MYT1L: variants seen among roughly 807,000 people sequenced by gnomAD.
MYT1L encodes the protein myelin transcription factor 1 like.
In MYT1L, 12 loss-of-function variants were observed where a neutral mutation model predicts 126.7. The observed-to-expected ratio is 0.09, with a 90% confidence interval of 0.06 to 0.15. MYT1L has a LOEUF of 0.15. Among genes scored for constraint, MYT1L ranks in the 10% least tolerant of loss-of-function variants. The pLI is 1.00. For synonymous variants in MYT1L, 541 were observed against 604.2 expected (o/e 0.90, Z 1.53); for missense variants, 979 against 1,585.2 (o/e 0.62, Z 6.49).
intron 18 of MYT1L, among the ~76,000 whole-genome samples, chr2:1,868,033 C>G (rs1207955782): frequency 6.6e-6 from 1 of 150,766 alleles, no homozygotes; most frequent in Non-Finnish European, 1.5e-5. Context: ...GTGGCGTGAT[C>G]TTGGCTCACT....
At chr2:1,903,493 A>G (rs1246655534) in intron 13 of MYT1L, among the ~76,000 whole-genome samples, 199 bp from the exon 14 acceptor site, 1 of 152,228 alleles carries the variant, frequency 6.6e-6, no homozygotes, top group Non-Finnish European at 1.5e-5. Flanking sequence ...AAACTGCCTA[A>G]CAGTCAACTT....
chr2:1,840,718 T>G (rs377243361), intron 20 of MYT1L, 42 bp downstream of exon 20: 1 of 1,421,300 alleles, frequency 7.0e-7, no homozygotes, highest in Non-Finnish European at 9.7e-7. Flanking sequence ...CGTCCCCACA[T>G]GGCAGCCCTG....
intron 8 of MYT1L, among the ~76,000 whole-genome samples, chr2:1,961,832 G>A (rs2058985450): frequency 6.6e-6 from 1 of 152,230 alleles, no homozygotes; most frequent in South Asian, 2.1e-4. Context: ...TATAAAGGAA[G>A]CTGAGTAATG....
intron 5 of MYT1L, among the ~76,000 whole-genome samples, chr2:1,989,795 G>A (rs556420071): frequency 1.3e-5 from 2 of 152,236 alleles, no homozygotes; most frequent in South Asian, 4.2e-4. Context: ...TCAGGAGTTC[G>A]AGACCAGCCT....
At chr2:2,011,261 T>G (rs2063791201) in intron 4 of MYT1L, among the ~76,000 whole-genome samples, 2 of 152,032 alleles carry the variant, frequency 1.3e-5, no homozygotes. Context: ...CATGGTGGCA[T>G]GTGCCTGTAA....
At chr2:2,060,251 T>C (rs2070217296) in intron 3 of MYT1L, among the ~76,000 whole-genome samples, 2 of 152,198 alleles carry the variant, frequency 1.3e-5, no homozygotes, top group African/African-American at 4.8e-5. Context: ...TCACATCGTA[T>C]AGAACAAATA....
chr2:1,894,725 G>A lies in MYT1L; in HGVS notation c.2033-2438C>T, dbSNP rs1558308756. ...CAAACAACGGCAGCTGACATAGGTC[G>A]GCTGGCAACCTTGCACTCAGCGTTG... On this transcript the variant is annotated intron_variant, in intron 14 of 24. Coordinates refer to ENST00000647738, the MANE Select transcript of MYT1L (RefSeq NM_001303052.2). 2.0e-5 allele frequency among the ~76,000 whole-genome samples: 3 copies of A among 152,140 alleles called. No homozygotes were observed. In the South Asian group the frequency reaches 6.2e-4, roughly 32 times the overall value.
intron 8 of MYT1L, among the ~76,000 whole-genome samples, chr2:1,968,995 T>C (rs1419742953): frequency 6.6e-6 from 1 of 152,190 alleles, no homozygotes; most frequent in African/African-American, 2.4e-5. Context: ...TGCTGCCCCA[T>C]AGTCCTCACC....
At chr2:1,977,094 C>T (rs1315823660) in intron 8 of MYT1L, among the ~76,000 whole-genome samples, 1 of 152,122 alleles carries the variant, frequency 6.6e-6, no homozygotes, top group Non-Finnish European at 1.5e-5. Flanking sequence ...AATTACATAC[C>T]ATATGAGCCA....
At chr2:2,256,042 A>G (rs547944424) in intron 2 of MYT1L, among the ~76,000 whole-genome samples, 53 of 152,336 alleles carry the variant, frequency 3.5e-4, no homozygotes, top group African/African-American at 1.1e-3. Flanking sequence ...TCTAAAGAGA[A>G]GGTCCACCTG....
rs144347500 is a variant in MYT1L at position 2,122,331 on chromosome 2, T to C, written c.-304+50541A>G. ...AGCCCCTCTCTCCTGGGGACTCTCA[T>C]GGGGACTCTGCAGGTGGAATGCACT... is the stretch of plus-strand genomic sequence containing the variant. On this transcript the variant is annotated intron_variant, in intron 3 of 24. Transcript: ENST00000647738. 4.8e-3 allele frequency among the ~76,000 whole-genome samples: 729 copies of C among 152,224 alleles called. 6 individuals carry two copies. Among genetic ancestry groups the C allele is most frequent in the Non-Finnish European group, 8.1e-3 (553 of 68,010 alleles).
chr2:1,924,953 A>G (rs911432012), intron 9 of MYT1L, among the ~76,000 whole-genome samples: 3 of 152,122 alleles, frequency 2.0e-5, no homozygotes, highest in African/African-American at 4.8e-5. Context: ...TCTCCTCTCA[A>G]TTTATGCACT....
intron 1 of MYT1L, among the ~76,000 whole-genome samples, chr2:2,315,039 A>G (rs970330523): frequency 3.9e-5 from 6 of 152,222 alleles, no homozygotes; most frequent in African/African-American, 1.4e-4. Flanking sequence ...ATATGGATTA[A>G]AGACTTAAAT....
intron 2 of MYT1L, among the ~76,000 whole-genome samples, chr2:2,277,544 C>T (rs2095382129): frequency 6.6e-6 from 1 of 152,240 alleles, no homozygotes; most frequent in Non-Finnish European, 1.5e-5. Context: ...TTGCCACAGC[C>T]TTCACTGTGT....
At chr2:2,170,580 T>C (rs1389745704) in intron 3 of MYT1L, among the ~76,000 whole-genome samples, 2 of 152,384 alleles carry the variant, frequency 1.3e-5, no homozygotes, top group Non-Finnish European at 1.5e-5. Flanking sequence ...TATAGCTTAT[T>C]ATGTGAAGAT....
At chr2:2,102,754 A>G (rs538556362) in intron 3 of MYT1L, among the ~76,000 whole-genome samples, 1 of 152,062 alleles carries the variant, frequency 6.6e-6, no homozygotes, top group East Asian at 1.9e-4. Flanking sequence ...TGAAGTCACT[A>G]TGGAGCCTGG....
In MYT1L at chr2:2,155,905, C is replaced by A. The variant is rs537246583; in HGVS notation, c.-304+16967G>T. Among the ~76,000 whole-genome samples, 19 of 152,214 alleles carry A rather than the reference C, an allele frequency of 1.2e-4. 1 individual carries two copies. The South Asian group carries it at 3.5e-3, about 28-fold the overall frequency. Reference sequence around the variant, plus strand: ...TCCATGATTTGCTGTGTGTGCAACTCCAACCCTGTGATTCACCTCGCTAAG... The same window carrying A: ...TCCATGATTTGCTGTGTGTGCAACTACAACCCTGTGATTCACCTCGCTAAG... On this transcript the variant is annotated intron_variant, in intron 3 of 24. Transcript: ENST00000647738.
intron 18 of MYT1L, among the ~76,000 whole-genome samples, chr2:1,871,084 G>A (rs2046224600): frequency 6.6e-6 from 1 of 152,240 alleles, no homozygotes; most frequent in African/African-American, 2.4e-5. Context: ...AGAAGAAGCT[G>A]AGGAGGGGCA....
intron 21 of MYT1L, among the ~76,000 whole-genome samples, chr2:1,822,837 C>G (rs1306341280): frequency 7.0e-6 from 1 of 143,334 alleles, no homozygotes; most frequent in Admixed American, 6.9e-5. Context: ...AAACCCTCCT[C>G]TCCTGGAGGG....
Sources: gnomAD v4.1 joint callset for allele counts (sites outside exome capture counted in the v4.1 genomes callset) on GRCh38, gnomAD v4.1.1 for gene constraint, MANE v1.5 for transcripts, NCBI Gene and HGNC (gene_info 2026-07-23, HGNC 2026-07-21) for gene names.